Variants in SIM2 observed in about 807,000 individuals in gnomAD.
SIM2 encodes the protein single-minded homolog 2.
In SIM2, 28 loss-of-function variants were observed where a neutral mutation model predicts 64.8. The ratio of observed to expected loss-of-function variants is 0.43; its 90% confidence interval spans 0.32 to 0.59. The LOEUF (loss-of-function observed/expected upper bound fraction) is 0.59. SIM2 is among the 20% of genes least tolerant of loss of function. The pLI is 0.07. For missense variants in SIM2, 847 were observed against 871.4 expected, an observed-to-expected ratio of 0.97 and a Z score of 0.35; for synonymous variants, 408 against 391.1, an observed-to-expected ratio of 1.04 and a Z score of -0.51.
chr21:36,731,187 C>T, intron 7 of SIM2, 36 bp downstream of exon 7: 12 of 1,544,318 alleles, frequency 7.8e-6, no homozygotes, highest in Non-Finnish European at 1.1e-5. Context: ...CGGGAGGTAG[C>T]TGGTCAGGGA....
chr21:36,744,593 GA>G, intron 9 of SIM2, 134 bp from the exon 10 acceptor site: 1 of 1,089,878 alleles, frequency 9.2e-7, no homozygotes, highest in South Asian at 1.7e-5. Context: ...TCCCCAGTGG[GA>G]CCTTGCAGTG....
intron 3 of SIM2, among the ~76,000 whole-genome samples, chr21:36,717,469 A>G (rs1208599656): frequency 6.7e-5 from 9 of 133,890 alleles, no homozygotes; most frequent in Non-Finnish European, 9.4e-5. Flanking sequence ...TTTTTTTGAG[A>G]CAGAGTCTTG....
rs1404897888 is a variant in SIM2, at chr21:36,726,496, A to G, written c.743+178A>G. Among the ~76,000 whole-genome samples, 1 of 152,268 alleles carries G rather than the reference A, an allele frequency of 6.6e-6. No homozygotes were observed. The highest frequency in any genetic ancestry group is 1.5e-5 in the Non-Finnish European group (1 of 68,046). On this transcript the variant is annotated intron_variant, in intron 6 of 10. Transcript: ENST00000290399. This position sits in a 1 kb window ranked among gnomAD's most constrained non-coding sequence, Gnocchi z 4.5. ...GAACATATGTCAGCCTTAGGACTCA[A>G]GGGCTTGTTTTACTTTATTTACTTA... is the stretch of plus-strand genomic sequence containing the variant.
chr21:36,745,010 C>A lies in SIM2; in HGVS notation c.1450C>A (p.Pro484Thr), dbSNP rs753537362. 6.2e-7 allele frequency: 1 copy of A among 1,614,214 alleles called. No homozygotes were observed. The highest frequency in any genetic ancestry group is 8.5e-7 in the Non-Finnish European group (1 of 1,180,022). ...EVARFFLSTL[P>T]ASGECQWHYA... The stretch of plus-strand genomic sequence containing the variant: ...GGCACGCTTTTTCCTGAGCACACTG[C>A]CAGCCAGCGGTGAATGCCAGTGGCA... Residue 484 changes from proline to threonine, a missense_variant, in exon 10 of 11, where the codon CCA (proline) becomes ACA (threonine). Pro to Thr is a conservative substitution (Grantham distance 38). This residue lies in a region of SIM2 where 447 missense variants were observed against 414.6 expected (regional missense o/e 1.08). Coordinates refer to ENST00000290399, the MANE Select transcript of SIM2 (RefSeq NM_005069.6). The surrounding 1 kb of genome is among the most constrained non-coding windows in gnomAD (Gnocchi z 4.8).
Position 36,747,527 on chromosome 21 carries a change from A to G in SIM2, c.1577-138A>G, listed in dbSNP as rs1451406030. 2 of 421,822 alleles carry G rather than the reference A, an allele frequency of 4.7e-6. No homozygotes were observed. The highest frequency in any genetic ancestry group is 5.7e-5 in the Admixed American group (1 of 17,558). The allele number at this position is 421,822 out of a possible 1,614,324, so 26.1% of individuals were successfully genotyped here. A position where few individuals can be genotyped will look rare whatever the true frequency, so the allele number is the denominator to read the frequency against. ...AGATTGGACAGCACGGCCTAGACTAAGGCGGGGGAGGGCGACAGCGACCCC... is the reference window on the plus strand; with the variant it reads ...AGATTGGACAGCACGGCCTAGACTAGGGCGGGGGAGGGCGACAGCGACCCC... On this transcript the variant is annotated intron_variant, in intron 10 of 10. Coordinates refer to ENST00000290399, the MANE Select transcript of SIM2 (RefSeq NM_005069.6). This position sits in a 1 kb window ranked among gnomAD's most constrained non-coding sequence, Gnocchi z 4.5.
chr21:36,705,193 G>A (rs2088562672), intron 1 of SIM2, among the ~76,000 whole-genome samples: 1 of 152,228 alleles, frequency 6.6e-6, no homozygotes, highest in South Asian at 2.1e-4. Flanking sequence ...GGGGGTGGCG[G>A]AGCTGTAGAG....
intron 3 of SIM2, among the ~76,000 whole-genome samples, chr21:36,718,480 G>T (rs1486199246): frequency 6.6e-6 from 1 of 152,190 alleles, no homozygotes; most frequent in Admixed American, 6.5e-5. Context: ...CAAGGGGGTG[G>T]CTCGGGACAA....
At chr21:36,735,316 G>C (rs2026260) in intron 7 of SIM2, among the ~76,000 whole-genome samples, 152,372 of 152,372 alleles carry the variant, frequency 1, 76,186 homozygotes, top group Non-Finnish European at 1. Flanking sequence ...ACAGCCTGTC[G>C]TCAGCTTCCT....
At chr21:36,707,391 C>A (rs935953326) in intron 1 of SIM2, among the ~76,000 whole-genome samples, 3 of 151,962 alleles carry the variant, frequency 2.0e-5, no homozygotes, top group Admixed American at 2.0e-4. Context: ...GCGGGGTGAG[C>A]GCGATTTCCC....
rs767697815 is a variant in SIM2 at position 36,723,106 on chromosome 21, G to A, written c.519G>A (p.Ala173=). 30 of 1,614,024 alleles carry A rather than the reference G, an allele frequency of 1.9e-5. No homozygotes were observed. The highest frequency in any genetic ancestry group is 4.5e-5 in the East Asian group (2 of 44,894). The stretch of plus-strand genomic sequence containing the variant: ...AATGTGTCTTGGCGAAAAGGAACGC[G>A]GGCCTGACCTGCAGCGGATACAAGG... ...RMKCVLAKRN[A]GLTCSGYKVI... The change falls in exon 5 of 11, where the codon GCG becomes GCA. Residue 173 remains alanine, a synonymous_variant. Coordinates refer to ENST00000290399, the MANE Select transcript of SIM2 (RefSeq NM_005069.6).
chr21:36,748,150 C>A lies in SIM2; in HGVS notation c.*58C>A. On this transcript the variant is annotated 3_prime_UTR_variant, in exon 11 of 11. Transcript: ENST00000290399. ...CGGCCTCCCGGGGCTGCGGCGCCAC[C>A]GAGCCCGGCAAATGCGCACGACCTA... 1 of 950,466 alleles carries A rather than the reference C, an allele frequency of 1.1e-6. No individual in the cohort carries two copies. The highest frequency in any genetic ancestry group is 1.3e-6 in the Non-Finnish European group (1 of 759,262). 58.9% of individuals were successfully genotyped at this position (950,466 alleles called of 1,614,324 possible). A position where few individuals can be genotyped will look rare whatever the true frequency, so the allele number is the denominator to read the frequency against.
intron 1 of SIM2, among the ~76,000 whole-genome samples, chr21:36,708,257 C>G (rs377006694): frequency 2.6e-5 from 4 of 152,328 alleles, no homozygotes; most frequent in African/African-American, 9.6e-5. Flanking sequence ...GCCCGGCTTT[C>G]CTGCTTCCTC....
At chr21:36,740,211 T>C (rs1458871431) in intron 7 of SIM2, among the ~76,000 whole-genome samples, 4 of 151,818 alleles carry the variant, frequency 2.6e-5, no homozygotes, top group Admixed American at 6.6e-5. Flanking sequence ...TTCCAGAACG[T>C]TTTCATCATC....
Position 36,741,850 on chromosome 21 carries a change from C to A in SIM2, c.984C>A (p.Val328=), listed in dbSNP as rs762762764. ...RSSRPHCIVS[V]NYVLTEIEYK... Reference sequence around the variant, plus strand: ...CCCGGCCCCACTGCATCGTGAGTGTCAATTATGTACTCACGTAAGTCACAC... The same window carrying A: ...CCCGGCCCCACTGCATCGTGAGTGTAAATTATGTACTCACGTAAGTCACAC... The change falls in exon 8 of 11, where the codon GTC becomes GTA. Residue 328 remains valine (V), a synonymous_variant. Coordinates refer to ENST00000290399, the MANE Select transcript of SIM2 (RefSeq NM_005069.6). The A allele has an allele frequency of 6.3e-7, 1 of 1,594,182 alleles. No individual in the cohort carries two copies. Among genetic ancestry groups the A allele is most frequent in the Non-Finnish European group, 8.5e-7 (1 of 1,170,134 alleles).
chr21:36,744,639 G>T, intron 9 of SIM2, 89 bp from the exon 10 acceptor site: 1 of 1,457,384 alleles, frequency 6.9e-7, no homozygotes. Context: ...GGATGGGGTT[G>T]GGCCCCGTCG....
intron 1 of SIM2, among the ~76,000 whole-genome samples, chr21:36,705,523 A>G (rs2088568432): frequency 6.6e-6 from 1 of 152,192 alleles, no homozygotes; most frequent in Non-Finnish European, 1.5e-5. Flanking sequence ...AGCCCGGCAA[A>G]CACTGGGGCT....
chr21:36,745,772 C>G lies in SIM2; in HGVS notation c.1576+636C>G, dbSNP rs1306120545. On this transcript the variant is annotated intron_variant, in intron 10 of 10. Coordinates refer to ENST00000290399, the MANE Select transcript of SIM2 (RefSeq NM_005069.6). This position sits in a 1 kb window ranked among gnomAD's most constrained non-coding sequence, Gnocchi z 4.8. ...TGCTAGTTCAACAGAAAGGAATGGC[C>G]TTTCACCTTCTCCTGGTGGCAGGCA... 7.7e-7 allele frequency: 1 copy of G among 1,303,020 alleles called. No homozygotes were observed. Among genetic ancestry groups the G allele is most frequent in the African/African-American group, 1.5e-5 (1 of 65,846 alleles). 80.7% of individuals were successfully genotyped at this position (1,303,020 alleles called of 1,614,324 possible). A position where few individuals can be genotyped will look rare whatever the true frequency, so the allele number is the denominator to read the frequency against.
chr21:36,745,503 T>C lies in SIM2; in HGVS notation c.1576+367T>C. Reference sequence around the variant, plus strand: ...CTGCATTTCTTTTGCAAGATTCCTTTCCACTCCAACCAGAAGTGAATATTT... The same window carrying C: ...CTGCATTTCTTTTGCAAGATTCCTTCCCACTCCAACCAGAAGTGAATATTT... On this transcript the variant is annotated intron_variant, in intron 10 of 10. Coordinates refer to ENST00000290399, the MANE Select transcript of SIM2 (RefSeq NM_005069.6). This position sits in a 1 kb window ranked among gnomAD's most constrained non-coding sequence, Gnocchi z 4.8. 1 of 1,149,304 alleles carries C rather than the reference T, an allele frequency of 8.7e-7. No homozygotes were observed. 71.2% of individuals were successfully genotyped at this position (1,149,304 alleles called of 1,614,324 possible). A position where few individuals can be genotyped will look rare whatever the true frequency, so the allele number is the denominator to read the frequency against.
Position 36,731,339 on chromosome 21 carries a change from GCA to G in SIM2, c.850+189_850+190del, listed in dbSNP as rs544770673. Among the ~76,000 whole-genome samples the G allele has an allele frequency of 3.5e-3, 537 of 152,174 alleles. 3 individuals carry two copies. Among genetic ancestry groups the G allele is most frequent in the African/African-American group, 0.012 (484 of 41,454 alleles). The stretch of plus-strand genomic sequence containing the variant: ...ACGGCTGCCTGTTGTCGGTTCTCAA[GCA>G]GCCACGCGCACCCTTTCAGGGAGAC... On this transcript the variant is annotated intron_variant, in intron 7 of 10. Transcript: ENST00000290399.
Sources: allele counts gnomAD v4.1 joint callset (sites outside exome capture counted in the v4.1 genomes callset), GRCh38; gene constraint gnomAD v4.1.1; regional missense constraint gnomAD v4.1.1; non-coding constraint Gnocchi (gnomAD v3.1); transcripts MANE v1.5; gene names NCBI Gene and HGNC (gene_info 2026-07-23, HGNC 2026-07-21).